ZNF804B: variants seen among roughly 807,000 people sequenced by gnomAD.
ZNF804B encodes the protein zinc finger 804B.
Under a neutral mutation model 101.4 loss-of-function variants are expected in ZNF804B, and 80 were observed. The observed-to-expected ratio is 0.79, with a 90% CI of 0.66 to 0.95. The LOEUF (loss-of-function observed/expected upper bound fraction) is 0.95. Among genes scored for constraint, ZNF804B ranks in the 40% least tolerant of loss-of-function variants. The probability of loss-of-function intolerance (pLI) is 0.00; values close to 1 mark genes in which losing one functional copy is unlikely to be tolerated. For synonymous variants in ZNF804B, 622 were observed against 558.8 expected, an observed-to-expected ratio of 1.11 and a Z score of -1.59; for missense variants, 1,673 against 1,561.9, an observed-to-expected ratio of 1.07 and a Z score of -1.20.
intron 1 of ZNF804B, among the ~76,000 whole-genome samples, chr7:88,807,766 A>G (rs1790714923): frequency 6.6e-6 from 1 of 152,208 alleles, no homozygotes; most frequent in African/African-American, 2.4e-5. Context: ...TGATTTTGGG[A>G]TTGAGAATCA....
At chr7:89,332,422 A>C (rs1790999718) in intron 3 of ZNF804B, among the ~76,000 whole-genome samples, 1 of 149,482 alleles carries the variant, frequency 6.7e-6, no homozygotes, top group Admixed American at 6.7e-5. Context: ...ATTAGAAATA[A>C]GCAAACAAAC....
intron 2 of ZNF804B, among the ~76,000 whole-genome samples, chr7:89,270,374 G>T (rs1562932653): frequency 6.6e-6 from 1 of 152,178 alleles, no homozygotes; most frequent in African/African-American, 2.4e-5. Flanking sequence ...GCAGATGGTT[G>T]TAGATGGGTG....
chr7:88,761,864 T>C (rs1789902531), intron 1 of ZNF804B, among the ~76,000 whole-genome samples: 1 of 152,178 alleles, frequency 6.6e-6, no homozygotes, highest in Admixed American at 6.5e-5. Flanking sequence ...TTCTGTTACA[T>C]GGTCAAAAAG....
intron 1 of ZNF804B, among the ~76,000 whole-genome samples, chr7:88,981,801 G>T (rs1485911769): frequency 6.6e-6 from 1 of 151,924 alleles, no homozygotes; most frequent in Non-Finnish European, 1.5e-5. Context: ...AGATCACTGT[G>T]CTCTCCTCCC....
chr7:88,836,737 G>A (rs557047555), intron 1 of ZNF804B, among the ~76,000 whole-genome samples: 6 of 151,696 alleles, frequency 4.0e-5, no homozygotes, highest in African/African-American at 1.4e-4. Context: ...TATGCAATTC[G>A]CTCTTTCCCA....
intron 1 of ZNF804B, among the ~76,000 whole-genome samples, chr7:89,078,766 A>T (rs116309309): frequency 0.02 from 3,021 of 152,034 alleles, 44 homozygotes; most frequent in African/African-American, 0.031. Context: ...ACAATTTAAG[A>T]AGAAGGAATT....
intron 1 of ZNF804B, among the ~76,000 whole-genome samples, chr7:89,032,280 T>C (rs1788849509): frequency 6.6e-6 from 1 of 151,682 alleles, no homozygotes; most frequent in Admixed American, 6.6e-5. Context: ...CCGAAAACTC[T>C]TTATAATACA....
At chr7:88,835,376 G>C (rs914870874) in intron 1 of ZNF804B, among the ~76,000 whole-genome samples, 1 of 151,792 alleles carries the variant, frequency 6.6e-6, no homozygotes, top group Non-Finnish European at 1.5e-5. Flanking sequence ...CCTTCTTAGA[G>C]ATCTCATTCT....
At chr7:88,946,680 C>T (rs1168650774) in intron 1 of ZNF804B, among the ~76,000 whole-genome samples, 1 of 151,408 alleles carries the variant, frequency 6.6e-6, no homozygotes, top group Non-Finnish European at 1.5e-5. Context: ...AGGAATGGTA[C>T]CATTTCCTCT....
chr7:89,127,598 T>C (rs776729326), intron 1 of ZNF804B, among the ~76,000 whole-genome samples: 3 of 151,776 alleles, frequency 2.0e-5, no homozygotes, highest in Non-Finnish European at 4.4e-5. Flanking sequence ...AAGGAAGTAG[T>C]TAAGAAAAGA....
intron 2 of ZNF804B, among the ~76,000 whole-genome samples, chr7:89,248,434 G>A (rs1206611932): frequency 4.9e-5 from 7 of 143,320 alleles, no homozygotes; most frequent in Non-Finnish European, 7.5e-5. Context: ...TACAAACCAG[G>A]AGAGTTTGGA....
At chr7:89,202,776 A>G (rs997539221) in intron 1 of ZNF804B, among the ~76,000 whole-genome samples, 2 of 152,140 alleles carry the variant, frequency 1.3e-5, no homozygotes, top group African/African-American at 2.4e-5. Context: ...ATCATCTTGC[A>G]TAAACGTTTG....
chr7:89,238,091 A>T (rs528543909), intron 2 of ZNF804B, among the ~76,000 whole-genome samples: 1 of 152,296 alleles, frequency 6.6e-6, no homozygotes, highest in South Asian at 2.1e-4. Flanking sequence ...AGGGAGGATA[A>T]TAGAGCAAGG....
chr7:88,806,716 G>A (rs7783757), intron 1 of ZNF804B, among the ~76,000 whole-genome samples: 26,015 of 151,816 alleles, frequency 0.17, 2,310 homozygotes, highest in African/African-American at 0.24. Flanking sequence ...TAGAAAGAAA[G>A]CATACTTTTA....
intron 1 of ZNF804B, among the ~76,000 whole-genome samples, chr7:88,808,294 A>G (rs183684663): frequency 6.6e-6 from 1 of 152,002 alleles, no homozygotes; most frequent in Non-Finnish European, 1.5e-5. Flanking sequence ...AGGCAGGAGA[A>G]TCACTTGAAC....
intron 2 of ZNF804B, among the ~76,000 whole-genome samples, chr7:89,299,159 G>A (rs1790438189): frequency 6.6e-6 from 1 of 151,950 alleles, no homozygotes; most frequent in South Asian, 2.1e-4. Flanking sequence ...AAACTCATGT[G>A]CAAGATTTTA....
chr7:88,932,055 A>G (rs1792895153), intron 1 of ZNF804B, among the ~76,000 whole-genome samples: 2 of 151,846 alleles, frequency 1.3e-5, no homozygotes, highest in Non-Finnish European at 2.9e-5. Context: ...CATCTAATGT[A>G]GGTTAATATG....
chr7:88,924,338 T>C (rs1286074479), intron 1 of ZNF804B, among the ~76,000 whole-genome samples: 4 of 152,164 alleles, frequency 2.6e-5, no homozygotes, highest in Non-Finnish European at 5.9e-5. Context: ...ACCTTGAGCA[T>C]GTGTTTTTGC....
chr7:89,054,425 T>C (rs954901304), intron 1 of ZNF804B, among the ~76,000 whole-genome samples: 1 of 151,540 alleles, frequency 6.6e-6, no homozygotes, highest in Non-Finnish European at 1.5e-5. Flanking sequence ...ATAGCCTATT[T>C]GATAAATATT....
Sources: gnomAD v4.1 joint callset for allele counts (sites outside exome capture counted in the v4.1 genomes callset) on GRCh38, gnomAD v4.1.1 for gene constraint, MANE v1.5 for transcripts, NCBI Gene and HGNC (gene_info 2026-07-23, HGNC 2026-07-21) for gene names.